Variants in TNC observed in about 807,000 individuals in gnomAD.
TNC encodes tenascin C.
Under a neutral mutation model 202.4 loss-of-function variants are expected in TNC, and 109 were observed. The observed-to-expected ratio is 0.54, with a 90% confidence interval of 0.46 to 0.63. TNC has a LOEUF of 0.63. Among genes scored for constraint, TNC ranks in the 30% least tolerant of loss-of-function variants. The pLI, the probability that TNC is intolerant of heterozygous loss-of-function variation, is 0.00. For synonymous variants in TNC, 1,007 were observed against 1,089.7 expected (o/e 0.92, Z 1.50); for missense variants, 2,756 against 2,833.3 (o/e 0.97, Z 0.62).
At chr9:115,054,142 G>A (rs1381988480) in intron 15 of TNC, among the ~76,000 whole-genome samples, 3 of 152,186 alleles carry the variant, frequency 2.0e-5, no homozygotes, top group Non-Finnish European at 1.5e-5. Flanking sequence ...GGGTTGGGAA[G>A]AGGCACAATA....
At chr9:115,065,022 C>T in intron 10 of TNC, 103 bp from the exon 11 acceptor site, 9 of 1,353,602 alleles carry the variant, frequency 6.6e-6, no homozygotes, top group East Asian at 2.3e-5. Flanking sequence ...TAGGCCATTG[C>T]AGTCCAAGTG....
At chr9:115,035,079 A>G in intron 22 of TNC, 125 bp downstream of exon 22, 1 of 993,850 alleles carries the variant, frequency 1.0e-6, no homozygotes, top group East Asian at 2.8e-5. Flanking sequence ...AGTCTCTACT[A>G]ATTTTTTTTT....
Position 115,035,328 on chromosome 9 carries a change from T to C in TNC, c.5663A>G (p.Asp1888Gly). 6.2e-7 allele frequency: 1 copy of C among 1,610,838 alleles called. No homozygotes were observed. The highest frequency in any genetic ancestry group is 8.5e-7 in the Non-Finnish European group (1 of 1,178,636). Residue 1888 changes from aspartate to glycine, a missense_variant, in exon 22 of 28, where the codon GAT (aspartate) becomes GGT (glycine). By Grantham distance (94) the Asp-to-Gly change is moderately conservative (BLOSUM62 -1). Transcript: ENST00000350763. The part of the protein sequence containing the change: ...TITAKFTTDL[D>G]SPRDLTATEV... ...AGTAGCAGTCAAGTCTCTTGGAGAA[T>C]CGAGGTCTGGAGAAGACAGGATGAT...
At chr9:115,090,035 A>C (rs867576010) in intron 2 of TNC, among the ~76,000 whole-genome samples, 11 of 152,328 alleles carry the variant, frequency 7.2e-5, no homozygotes, top group Middle Eastern at 3.4e-3. Flanking sequence ...TCTAATTCTT[A>C]TAACTCAGCA....
rs753743190 is a variant in TNC, at chr9:115,081,826, G to T, written c.2350C>A (p.His784Asn). 1.9e-6 allele frequency: 3 copies of T among 1,612,392 alleles called. No individual in the cohort carries two copies. The South Asian group carries it at 3.3e-5, about 18-fold the overall frequency. Residue 784 changes from histidine to asparagine, a missense_variant, in exon 6 of 28, where the codon CAC becomes AAC. Physicochemically the swap from His to Asn is moderately conservative, Grantham distance 68. This residue lies in a region of TNC where 2,559 missense variants were observed against 2,546.0 expected (regional missense o/e 1.01). Transcript: ENST00000350763. ...CCCCGGGTATTGTTTTTCACTATGT[G>T]CAGAGATATCTCATACTCTTGCCCA... ...APGQEYEISL[H>N]IVKNNTRGPG...
chr9:115,086,231 T>G lies in TNC; in HGVS notation c.1500A>C (p.Gln500His). ...CCCTGTTGCTGCAGTCCCTGGGGCA[T>G]TGGCGATCCCGGCAGTCTTCCCCTG... is the stretch of plus-strand genomic sequence containing the variant. ...GYTGEDCRDR[Q>H]CPRDCSNRGL... is the part of the protein sequence containing the mutation. Residue 500 changes from glutamine to histidine, a missense_variant, in exon 3 of 28, where the codon CAA becomes CAC. Gln to His is a conservative substitution (Grantham distance 24). Around this residue, in one of 2 missense-constraint regions of TNC, gnomAD observed 2,559 missense variants for 2,546.0 expected, o/e 1.01. Coordinates refer to ENST00000350763, the MANE Select transcript of TNC (RefSeq NM_002160.4). 1 of 1,614,182 alleles carries G rather than the reference T, an allele frequency of 6.2e-7. No individual in the cohort carries two copies. Among genetic ancestry groups the G allele is most frequent in the Non-Finnish European group, 8.5e-7 (1 of 1,180,036 alleles).
intron 17 of TNC, among the ~76,000 whole-genome samples, chr9:115,043,501 C>T (rs1011188824): frequency 1.3e-5 from 2 of 152,114 alleles, no homozygotes; most frequent in South Asian, 2.1e-4. Context: ...CTTCTGTGAA[C>T]CTCAGTTTCT....
chr9:115,102,704 T>C (rs1836325787), intron 1 of TNC, among the ~76,000 whole-genome samples: 1 of 152,240 alleles, frequency 6.6e-6, no homozygotes, highest in Admixed American at 6.5e-5. Flanking sequence ...TAGATTGTAT[T>C]TATATTAGTC....
At chr9:115,104,096 T>C (rs1268179321) in intron 1 of TNC, among the ~76,000 whole-genome samples, 4 of 152,192 alleles carry the variant, frequency 2.6e-5, no homozygotes, top group Non-Finnish European at 5.9e-5. Context: ...TAAAAAGTGG[T>C]TCTGGACAAG....
intron 4 of TNC, 52 bp downstream of exon 4, chr9:115,084,157 C>A: frequency 6.3e-7 from 1 of 1,588,036 alleles, no homozygotes; most frequent in South Asian, 1.2e-5. Context: ...GGGTTATACA[C>A]TGGGTGGGCT....
At position 115,063,186 on chromosome 9, in the gene TNC, TC is replaced by T; in HGVS notation, c.3763del (p.Glu1255ArgfsTer10). 2.5e-6 allele frequency: 4 copies of T among 1,613,874 alleles called. No homozygotes were observed. Among genetic ancestry groups the T allele is most frequent in the Non-Finnish European group, 3.4e-6 (4 of 1,179,808 alleles). ...TGTGAGGTTTCCCATATCTGGAACCTCCTCTGCATAAGGACACAGAGTTGCT... is the reference window on the plus strand; with the variant it reads ...TGTGAGGTTTCCCATATCTGGAACCTCTCTGCATAAGGACACAGAGTTGCT... ...TPLSVEVLTEEVPDMGNLTVT... is the reference protein window; with the variant it reads ...TPLSVEVLTEXVPDMGNLTVT... On this transcript the variant is annotated frameshift_variant and splice_region_variant, in exon 13 of 28. Coordinates refer to ENST00000350763, the MANE Select transcript of TNC (RefSeq NM_002160.4). LOFTEE classifies it high-confidence loss of function.
At chr9:115,102,146 A>T (rs1836286245) in intron 1 of TNC, among the ~76,000 whole-genome samples, 1 of 152,186 alleles carries the variant, frequency 6.6e-6, no homozygotes, top group Non-Finnish European at 1.5e-5. Context: ...AGACATTATT[A>T]AGTTATGGAG....
At chr9:115,031,383 T>G (rs187961673) in intron 23 of TNC, among the ~76,000 whole-genome samples, 170 bp downstream of exon 23, 16 of 152,366 alleles carry the variant, frequency 1.1e-4, no homozygotes, top group African/African-American at 3.6e-4. Flanking sequence ...TTCACCGGGA[T>G]GCTCATAATC....
intron 2 of TNC, among the ~76,000 whole-genome samples, chr9:115,089,478 ATCTCTCTCTC>A (rs34987920): frequency 6.7e-6 from 1 of 148,524 alleles, no homozygotes; most frequent in Non-Finnish European, 1.5e-5. Context: ...CAAAATCCCT[ATCTCTCTCTC>A]TCTCTCTCTC....
chr9:115,044,546 A>G (rs1414908178), intron 17 of TNC, among the ~76,000 whole-genome samples: 1 of 152,162 alleles, frequency 6.6e-6, no homozygotes, highest in Admixed American at 6.5e-5. Context: ...CTTAAAAAAA[A>G]TTCAATTCAT....
In TNC at chr9:115,085,867, C is replaced by G. The variant is rs201025112; in HGVS notation, c.1864G>C (p.Glu622Gln). The G allele has an allele frequency of 6.2e-7, 1 of 1,603,146 alleles. No individual in the cohort carries two copies. The highest frequency in any genetic ancestry group is 2.2e-5 in the East Asian group (1 of 44,480). ...TGGTCTGCGCCCTGGCACTCACCCT[C>G]TGAGCAGTCTTCTCCGCTGTAGCCC... ...NEGYSGEDCS[E>Q]VSPPKDLVVT... is the part of the protein sequence containing the mutation. The change falls in exon 3 of 28, where the codon GAG (glutamate) becomes CAG (glutamine). Residue 622 changes from glutamate to glutamine, a missense_variant. Around this residue, in one of 2 missense-constraint regions of TNC, gnomAD observed 2,559 missense variants for 2,546.0 expected, o/e 1.01. Coordinates refer to ENST00000350763, the MANE Select transcript of TNC (RefSeq NM_002160.4).
intron 9 of TNC, among the ~76,000 whole-genome samples, chr9:115,075,322 A>G (rs113570219): frequency 5.9e-5 from 9 of 152,192 alleles, no homozygotes; most frequent in African/African-American, 2.2e-4. Context: ...GACTTAAACT[A>G]CAATCCTGTT....
At chr9:115,083,599 ACT>A (rs1403646518) in intron 4 of TNC, among the ~76,000 whole-genome samples, 1 of 129,426 alleles carries the variant, frequency 7.7e-6, no homozygotes, top group Non-Finnish European at 1.6e-5. Flanking sequence ...TATAATGAGG[ACT>A]CTTTTTTTTT....
Position 115,026,515 on chromosome 9 carries a change from C to T in TNC, c.6331+19G>A, listed in dbSNP as rs373640231. On this transcript the variant is annotated intron_variant, in intron 26 of 27. Coordinates refer to ENST00000350763, the MANE Select transcript of TNC (RefSeq NM_002160.4). ...GGTCTCCATGGCTTTGTAGGCTCTA[C>T]GTGCAGCCACTACTGTACCTGCTGT... The T allele has an allele frequency of 7.0e-5, 113 of 1,611,762 alleles. No homozygotes were observed. The highest frequency in any genetic ancestry group is 2.0e-4 in the African/African-American group (15 of 74,996).
Sources: gnomAD v4.1 joint callset for allele counts (sites outside exome capture counted in the v4.1 genomes callset) on GRCh38, gnomAD v4.1.1 for gene constraint, gnomAD v4.1.1 regional missense constraint, MANE v1.5 for transcripts, NCBI Gene and HGNC (gene_info 2026-07-23, HGNC 2026-07-21) for gene names.